The following AXDND1 variants were observed in gnomAD, a reference collection of about 807,000 sequenced individuals.
AXDND1 encodes the protein axonemal dynein light chain domain containing 1, also known as axonemal dynein light chain domain-containing protein 1.
In AXDND1, 110 loss-of-function variants were observed where a neutral mutation model predicts 137.5. The observed-to-expected ratio is 0.80, with a 90% CI of 0.69 to 0.94. The LOEUF is 0.94. AXDND1 is among the 40% of genes least tolerant of loss of function. AXDND1 has a pLI of 0.00. For synonymous variants in AXDND1, 414 were observed against 399.7 expected (o/e 1.04, Z -0.43); for missense variants, 1,191 against 1,169.8 (o/e 1.02, Z -0.26).
chr1:179,470,152 C>T (rs1206864884), intron 17 of AXDND1, among the ~76,000 whole-genome samples: 6 of 152,108 alleles, frequency 3.9e-5, no homozygotes, highest in Admixed American at 3.9e-4. Flanking sequence ...ATGATTAATT[C>T]TATCACATTG....
rs974689517 is a variant in AXDND1 at position 179,554,677 on chromosome 1, C to T, written c.*158C>T. The T allele has an allele frequency of 1.0e-5, 11 of 1,101,946 alleles. No homozygotes were observed. Among genetic ancestry groups the T allele is most frequent in the Non-Finnish European group, 1.5e-5 (11 of 734,752 alleles). The allele number at this position is 1,101,946 out of a possible 1,614,324, so 68.3% of individuals were successfully genotyped here. On this transcript the variant is annotated 3_prime_UTR_variant, in exon 26 of 26. Transcript: ENST00000367618. ...GCCTGTTGTATTTAACTTCACAGTG[C>T]CTTGCAAAGAGTTGTTTAACTTGCA...
chr1:179,442,108 G>A (rs950752027), intron 15 of AXDND1, among the ~76,000 whole-genome samples: 1 of 152,200 alleles, frequency 6.6e-6, no homozygotes, highest in African/African-American at 2.4e-5. Flanking sequence ...AAAAGCACAA[G>A]GTCCTAAGGG....
At chr1:179,395,790 T>G (rs1650956335) in intron 11 of AXDND1, among the ~76,000 whole-genome samples, 1 of 152,234 alleles carries the variant, frequency 6.6e-6, no homozygotes. Context: ...AGTACTCATT[T>G]ACCTTTCATG....
intron 11 of AXDND1, among the ~76,000 whole-genome samples, chr1:179,401,811 C>T (rs961320832): frequency 2.0e-5 from 3 of 152,090 alleles, no homozygotes; most frequent in African/African-American, 7.2e-5. Context: ...TCACCTTCCA[C>T]CATGATTGTG....
intron 20 of AXDND1, among the ~76,000 whole-genome samples, chr1:179,496,661 A>G (rs578111821): frequency 8.6e-5 from 13 of 151,858 alleles, no homozygotes; most frequent in Middle Eastern, 3.4e-3. Flanking sequence ...GCTTTCATTG[A>G]TTTTTCTCCA....
chr1:179,479,475 C>A (rs1290855361), intron 17 of AXDND1, among the ~76,000 whole-genome samples: 28 of 133,602 alleles, frequency 2.1e-4, no homozygotes, highest in South Asian at 2.4e-4. Context: ...AACTCTGTCT[C>A]AAAAAAAAAA....
chr1:179,460,306 C>G (rs1028229881), intron 16 of AXDND1, among the ~76,000 whole-genome samples: 1 of 152,042 alleles, frequency 6.6e-6, no homozygotes, highest in African/African-American at 2.4e-5. Flanking sequence ...GGTTTTCTGT[C>G]CTTGTGATAG....
intron 25 of AXDND1, among the ~76,000 whole-genome samples, chr1:179,549,093 T>C (rs1672934172): frequency 6.6e-6 from 1 of 152,106 alleles, no homozygotes; most frequent in African/African-American, 2.4e-5. Flanking sequence ...TATCAGCTTA[T>C]TGCCACTCTA....
intron 16 of AXDND1, 83 bp downstream of exon 16, chr1:179,445,287 A>G: frequency 1.0e-6 from 1 of 993,388 alleles, no homozygotes; most frequent in Non-Finnish European, 1.4e-6. Context: ...AATATTTAAA[A>G]TAAAAGTAAT....
chr1:179,432,388 A>G (rs1311115772), intron 15 of AXDND1, 46 bp downstream of exon 15: 41 of 1,505,268 alleles, frequency 2.7e-5, no homozygotes, highest in Non-Finnish European at 3.5e-5. Flanking sequence ...TGCTGATTGT[A>G]AACTTGGCAT....
intron 20 of AXDND1, among the ~76,000 whole-genome samples, chr1:179,504,268 A>G (rs1282690987): frequency 6.6e-6 from 1 of 152,172 alleles, no homozygotes; most frequent in Non-Finnish European, 1.5e-5. Context: ...AACCCACACT[A>G]TACATCTAGA....
chr1:179,367,302 G>A (rs1288772278), intron 2 of AXDND1, among the ~76,000 whole-genome samples: 1 of 151,942 alleles, frequency 6.6e-6, no homozygotes, highest in Non-Finnish European at 1.5e-5. Context: ...CGGATCACGA[G>A]GTCAAGAGAT....
chr1:179,438,768 G>C (rs1283646453), intron 15 of AXDND1, among the ~76,000 whole-genome samples: 3 of 152,290 alleles, frequency 2.0e-5, no homozygotes, highest in African/African-American at 4.8e-5. Context: ...CAGGTCAATT[G>C]GGTATTGTTT....
intron 2 of AXDND1, 130 bp from the exon 3 acceptor site, chr1:179,368,670 C>A: frequency 1.4e-6 from 1 of 722,328 alleles, no homozygotes; most frequent in South Asian, 2.3e-5. Context: ...TTATTTGTTA[C>A]TATCTTTGTC....
chr1:179,526,066 C>T (rs1670505255), intron 22 of AXDND1, among the ~76,000 whole-genome samples: 1 of 152,058 alleles, frequency 6.6e-6, no homozygotes, highest in South Asian at 2.1e-4. Context: ...CACTCTGGTA[C>T]TATTTTTTTA....
chr1:179,529,085 AAGC>A (rs1670818708), intron 23 of AXDND1, among the ~76,000 whole-genome samples: 1 of 152,240 alleles, frequency 6.6e-6, no homozygotes, highest in African/African-American at 2.4e-5. Flanking sequence ...CTCAGCAAGA[AAGC>A]AGATTTAAAA....
chr1:179,385,830 G>T (rs932767951), intron 9 of AXDND1, among the ~76,000 whole-genome samples: 3 of 152,128 alleles, frequency 2.0e-5, no homozygotes, highest in Non-Finnish European at 4.4e-5. Flanking sequence ...TCCATAATAG[G>T]GGTTGTCCCT....
At chr1:179,399,645 C>T (rs1027069492) in intron 11 of AXDND1, among the ~76,000 whole-genome samples, 3 of 152,184 alleles carry the variant, frequency 2.0e-5, no homozygotes, top group African/African-American at 7.2e-5. Flanking sequence ...AGACAGCCCA[C>T]AGAATGGGAG....
intron 16 of AXDND1, chr1:179,453,822 A>C (rs1660888034): frequency 7.1e-6 from 1 of 141,092 alleles, no homozygotes; most frequent in South Asian, 2.3e-4. Flanking sequence ...AAAAAAAAAA[A>C]ATGGACTCTC....
Sources: gnomAD v4.1 joint callset for allele counts (sites outside exome capture counted in the v4.1 genomes callset) on GRCh38, gnomAD v4.1.1 for gene constraint, MANE v1.5 for transcripts, NCBI Gene and HGNC (gene_info 2026-07-23, HGNC 2026-07-21) for gene names.